Variants in POP4 observed in about 807,000 individuals in gnomAD.
POP4 encodes the protein ribonuclease P protein subunit p29.
Under a neutral mutation model 29.9 loss-of-function variants are expected in POP4, and 31 were observed. The observed-to-expected ratio is 1.04, with a 90% CI of 0.78 to 1.40. The LOEUF is 1.40. Among genes scored for constraint, POP4 ranks in the 40% most tolerant of loss-of-function variants. The pLI, the probability that POP4 is intolerant of heterozygous loss-of-function variation, is 0.00. For synonymous variants in POP4, 110 were observed against 108.2 expected (o/e 1.02, Z -0.10); for missense variants, 286 against 282.7 (o/e 1.01, Z -0.08).
chr19:29,611,939 C>T lies in POP4; in HGVS notation c.362C>T (p.Thr121Met), dbSNP rs201440100. The T allele has an allele frequency of 3.0e-5, 49 of 1,613,430 alleles. No individual in the cohort carries two copies. In the South Asian group the frequency reaches 4.4e-4, roughly 14 times the overall value. The change falls in exon 4 of 7, where the codon ACG becomes ATG. Residue 121 changes from threonine (T) to methionine (M), a missense_variant and splice_region_variant. Physicochemically the swap from Thr to Met is moderately conservative, Grantham distance 81. Transcript: ENST00000585603. ...CTGTGCAGTGGGCTCAAGCCAGACA[C>T]GTAAGTTGCATTCCTGAAGCTTTGC... ...RDLCSGLKPD[T>M]QPQMIQAKLL...
chr19:29,615,133 C>T, intron 6 of POP4, 111 bp from the exon 7 acceptor site: 1 of 1,288,600 alleles, frequency 7.8e-7, no homozygotes, highest in Non-Finnish European at 1.0e-6. Flanking sequence ...TTCCTATTAG[C>T]TTATTTTTTT....
chr19:29,614,020 C>G, intron 6 of POP4, 48 bp downstream of exon 6: 2 of 1,585,516 alleles, frequency 1.3e-6, no homozygotes, highest in Non-Finnish European at 1.7e-6. Context: ...TGGCTCCCAG[C>G]TACTGCGTTA....
intron 5 of POP4, among the ~76,000 whole-genome samples, chr19:29,613,435 G>A (rs185802374): frequency 6.4e-4 from 97 of 152,260 alleles, no homozygotes; most frequent in Non-Finnish European, 1.2e-3. Context: ...GGCTCATCTC[G>A]CAGTGCTGGC....
intron 1 of POP4, 138 bp downstream of exon 1, chr19:29,606,463 T>G: frequency 1.0e-6 from 1 of 999,458 alleles, no homozygotes; most frequent in South Asian, 2.1e-5. Flanking sequence ...CCACCCTACC[T>G]AAGAAAAACT....
intron 3 of POP4, 82 bp downstream of exon 3, chr19:29,610,714 A>G: frequency 1.4e-6 from 2 of 1,408,392 alleles, no homozygotes; most frequent in Non-Finnish European, 1.9e-6. Context: ...CTGGGGAGGC[A>G]GCCTGGCTCC....
intron 1 of POP4, 90 bp from the exon 2 acceptor site, chr19:29,608,567 G>A: frequency 7.6e-7 from 1 of 1,313,078 alleles, no homozygotes; most frequent in Admixed American, 1.7e-5. Context: ...ACTGCGCCTA[G>A]TGGCGTAGTT....
intron 1 of POP4, among the ~76,000 whole-genome samples, chr19:29,607,448 AAAAC>A (rs1016141483): frequency 1.9e-5 from 2 of 103,570 alleles, no homozygotes; most frequent in South Asian, 3.4e-4. Context: ...ACCCAGTATC[AAAAC>A]AAACAAACAA....
At chr19:29,608,143 G>A (rs1178830642) in intron 1 of POP4, among the ~76,000 whole-genome samples, 1 of 152,096 alleles carries the variant, frequency 6.6e-6, no homozygotes, top group Non-Finnish European at 1.5e-5. Context: ...CAGAGGGTGG[G>A]ATAAGAGGCA....
At chr19:29,610,363 G>T (rs772751258) in intron 2 of POP4, 46 bp from the exon 3 acceptor site, 1 of 1,496,178 alleles carries the variant, frequency 6.7e-7, no homozygotes, top group Admixed American at 2.1e-5. Flanking sequence ...ATCCTGGGCT[G>T]CCCAGACCGG....
rs543399459 is a variant in POP4, at chr19:29,613,837, G to T, written c.425-34G>T. Reference sequence around the variant, plus strand: ...TCTGTGGTTCCCCCAGCACCACAGAGGCCTGAGCCTGGAACTGTCCTTTTT... The same window carrying T: ...TCTGTGGTTCCCCCAGCACCACAGATGCCTGAGCCTGGAACTGTCCTTTTT... On this transcript the variant is annotated intron_variant, in intron 5 of 6. Coordinates refer to ENST00000585603, the MANE Select transcript of POP4 (RefSeq NM_006627.3). 46 of 1,597,024 alleles carry T rather than the reference G, an allele frequency of 2.9e-5. No individual in the cohort carries two copies. The East Asian group carries it at 8.9e-4, about 31-fold the overall frequency.
chr19:29,612,073 C>T, intron 4 of POP4, 44 bp from the exon 5 acceptor site: 2 of 1,591,936 alleles, frequency 1.3e-6, no homozygotes, highest in East Asian at 2.2e-5. Context: ...TCTTTTGGAA[C>T]TTTTTATCAT....
chr19:29,612,574 C>G (rs867679201), intron 5 of POP4, among the ~76,000 whole-genome samples: 40 of 152,176 alleles, frequency 2.6e-4, no homozygotes, highest in African/African-American at 8.4e-4. Context: ...AGGCCTGTCC[C>G]CTGAACTCCA....
intron 1 of POP4, among the ~76,000 whole-genome samples, chr19:29,607,520 A>G (rs1971013926): frequency 6.6e-6 from 1 of 152,222 alleles, no homozygotes; most frequent in African/African-American, 2.4e-5. Flanking sequence ...GGGAAGTACA[A>G]GAAAGCTGGA....
At chr19:29,606,568 T>C (rs1022289892) in intron 1 of POP4, 2 of 448,514 alleles carry the variant, frequency 4.5e-6, no homozygotes, top group African/African-American at 4.0e-5. Context: ...CTCAGTGGTG[T>C]GCGATGCTAG....
chr19:29,606,851 A>G (rs574885936), intron 1 of POP4, among the ~76,000 whole-genome samples: 2 of 140,082 alleles, frequency 1.4e-5, no homozygotes, highest in East Asian at 1.9e-4. Context: ...GATCAAGTAG[A>G]TTGTCTCGGC....
Position 29,606,322 on chromosome 19 carries a change from A to T in POP4, c.4A>T (p.Lys2Ter), listed in dbSNP as rs560619277. Residue 2 changes from lysine to a stop codon, truncating the protein, a stop_gained, in exon 1 of 7, where the codon AAG becomes TAG. Transcript: ENST00000585603. LOFTEE classifies it high-confidence loss of function. ...GAGCGCCGGAAGCGGTCCGAGAATGAAGAGTAAGCGGGGCCGCGAAGTTGG... is the reference window on the plus strand; with the variant it reads ...GAGCGCCGGAAGCGGTCCGAGAATGTAGAGTAAGCGGGGCCGCGAAGTTGG... The part of the protein sequence containing the change: M[K>*]SVIYHALSQK... 3.1e-6 allele frequency: 5 copies of T among 1,606,282 alleles called. No homozygotes were observed. Among genetic ancestry groups the T allele is most frequent in the Non-Finnish European group, 4.2e-6 (5 of 1,176,844 alleles).
chr19:29,610,501 G>GC lies in POP4; in HGVS notation c.154dup (p.Gln52ProfsTer37), dbSNP rs757204734. 1 of 1,612,440 alleles carries GC rather than the reference G, an allele frequency of 6.2e-7. No homozygotes were observed. Among genetic ancestry groups the GC allele is most frequent in the South Asian group, 1.1e-5 (1 of 90,790 alleles). ...GCCCGCAGGCCCGCGAGGACCAGCT[G>GC]CAGCGCAAGGCGGTGGTCCTGGAGT... On this transcript the variant is annotated frameshift_variant, in exon 3 of 7. Transcript: ENST00000585603. LOFTEE classifies it high-confidence loss of function.
chr19:29,608,885 C>T (rs746115709), intron 2 of POP4, 176 bp downstream of exon 2: 7 of 577,636 alleles, frequency 1.2e-5, no homozygotes, highest in Non-Finnish European at 1.5e-5. Context: ...TTCCCACGTG[C>T]CAGCCTCCTT....
Position 29,616,194 on chromosome 19 carries a change from T to C in POP4, c.*814T>C, listed in dbSNP as rs569282427. Reference sequence around the variant, plus strand: ...CCAGCAGCATTGACGCCCTTTGATATCTTCGCCATTTTTGCTGCTGAAAGA... The same window carrying C: ...CCAGCAGCATTGACGCCCTTTGATACCTTCGCCATTTTTGCTGCTGAAAGA... On this transcript the variant is annotated 3_prime_UTR_variant, in exon 7 of 7. Transcript: ENST00000585603. 6.6e-6 allele frequency: 1 copy of C among 152,356 alleles called. No individual in the cohort carries two copies. Among genetic ancestry groups the C allele is most frequent in the East Asian group, 1.9e-4 (1 of 5,182 alleles). 9.4% of individuals were successfully genotyped at this position (152,356 alleles called of 1,614,324 possible). A position where few individuals can be genotyped will look rare whatever the true frequency, so the allele number is the denominator to read the frequency against.
Sources: allele counts gnomAD v4.1 joint callset (sites outside exome capture counted in the v4.1 genomes callset), GRCh38; gene constraint gnomAD v4.1.1; transcripts MANE v1.5; gene names NCBI Gene and HGNC (gene_info 2026-07-23, HGNC 2026-07-21).